CARD8: variants seen among roughly 807,000 people sequenced by gnomAD.
CARD8 encodes caspase recruitment domain family member 8, also known as caspase recruitment domain-containing protein 8.
CARD8 carries 38 observed loss-of-function variants against 53.2 expected under a neutral mutation model. That is an observed-to-expected ratio of 0.71 (90% CI 0.55 to 0.94). The LOEUF (loss-of-function observed/expected upper bound fraction) is 0.94, where lower values mean the gene tolerates loss of function less well. CARD8 is among the 40% of genes least tolerant of loss of function. The pLI is 0.00. For missense variants in CARD8, 561 were observed against 655.5 expected (o/e 0.86, Z 1.57); for synonymous variants, 245 against 244.9 (o/e 1.00, Z 0.00).
chr19:48,233,438 G>A (rs542486388), intron 6 of CARD8: 1 of 456,118 alleles, frequency 2.2e-6, no homozygotes, highest in Admixed American at 2.4e-5. Context: ...AGGCTTTACA[G>A]CGCTTTTCTC....
chr19:48,253,891 T>C (rs1234378526), intron 1 of CARD8, among the ~76,000 whole-genome samples: 2 of 152,134 alleles, frequency 1.3e-5, no homozygotes, highest in South Asian at 2.1e-4. Flanking sequence ...AGTAAAGATA[T>C]AAAAAATTGA....
intron 5 of CARD8, 41 bp from the exon 6 acceptor site, chr19:48,234,584 A>AG (rs1265896253): frequency 6.3e-7 from 1 of 1,583,068 alleles, no homozygotes; most frequent in Non-Finnish European, 8.6e-7. Context: ...AATATAAGGT[A>AG]GGTGCCTGAT....
intron 13 of CARD8, among the ~76,000 whole-genome samples, chr19:48,214,580 C>T (rs1248577770): frequency 6.6e-6 from 1 of 151,996 alleles, no homozygotes; most frequent in Non-Finnish European, 1.5e-5. Flanking sequence ...CAAGCCCCTG[C>T]GGGCCACTAT....
At chr19:48,216,939 G>A (rs2039427209) in intron 12 of CARD8, among the ~76,000 whole-genome samples, 1 of 152,068 alleles carries the variant, frequency 6.6e-6, no homozygotes, top group African/African-American at 2.4e-5. Flanking sequence ...GAATCAGTGG[G>A]AGCCCTGAGC....
intron 3 of CARD8, among the ~76,000 whole-genome samples, chr19:48,245,448 G>A (rs2045949601): frequency 1.3e-5 from 2 of 152,008 alleles, no homozygotes; most frequent in African/African-American, 2.4e-5. Flanking sequence ...TCTGACCTCA[G>A]GTGATCCGCC....
downstream of CARD8, among the ~76,000 whole-genome samples, chr19:48,207,534 TCTA>T (rs2037404158): frequency 2.0e-5 from 3 of 152,082 alleles, no homozygotes; most frequent in African/African-American, 4.8e-5. Context: ...CGTATGAAAT[TCTA>T]CTTTTGTTCA....
At position 48,211,751 on chromosome 19, in the gene CARD8, C is replaced by T. The variant is rs756786481; in HGVS notation, c.1573G>A (p.Asp525Asn). Residue 525 changes from aspartate to asparagine, a missense_variant, in exon 14 of 14, where the codon GAC (aspartate) becomes AAC (asparagine). Physicochemically the swap from Asp to Asn is conservative, Grantham distance 23. Transcript: ENST00000651546. Reference sequence around the variant, plus strand: ...CTAAGATAGGACACGAGGTAAGGGTCCCTTTCACTAATGCTTCTGAAGAGC... The same window carrying T: ...CTAAGATAGGACACGAGGTAAGGGTTCCTTTCACTAATGCTTCTGAAGAGC... Reference protein sequence around the residue: ...DVLFRSISERDPYLVSYLRQQ... With the variant: ...DVLFRSISERNPYLVSYLRQQ... 2.5e-6 allele frequency: 4 copies of T among 1,614,048 alleles called. No homozygotes were observed. The African/African-American group carries it at 5.3e-5, about 22-fold the overall frequency.
chr19:48,253,732 A>T (rs1488083365), intron 1 of CARD8, among the ~76,000 whole-genome samples: 1 of 152,238 alleles, frequency 6.6e-6, no homozygotes, highest in African/African-American at 2.4e-5. Context: ...AATAAGAATA[A>T]CAATTTTAAT....
In CARD8 at chr19:48,210,748, G is replaced by A. The variant is rs1242599170; in HGVS notation, c.*962C>T. 6.6e-6 allele frequency: 1 copy of A among 152,056 alleles called. No homozygotes were observed. Among genetic ancestry groups the A allele is most frequent in the Non-Finnish European group, 1.5e-5 (1 of 68,006 alleles). The allele number at this position is 152,056 out of a possible 1,614,324, so 9.4% of individuals were successfully genotyped here. On this transcript the variant is annotated 3_prime_UTR_variant, in exon 14 of 14. Transcript: ENST00000651546. ...CCAGTTAAAAGAGACTATCAGAATG[G>A]GTTCAAAATACACCATAAAAAAAAC...
At chr19:48,221,934 G>T (rs926139745) in intron 10 of CARD8, 79 bp from the exon 11 acceptor site, 6 of 1,178,700 alleles carry the variant, frequency 5.1e-6, no homozygotes, top group Non-Finnish European at 5.9e-6. Context: ...TATTTATATG[G>T]TATATTAAGT....
At chr19:48,249,461 T>G (rs995514258) in intron 3 of CARD8, 62 bp downstream of exon 3, 24 of 152,410 alleles carry the variant, frequency 1.6e-4, no homozygotes, top group African/African-American at 4.3e-4. Flanking sequence ...TTATTGTAAA[T>G]AATGGGCAAG....
At chr19:48,232,014 C>T (rs2042995968) in intron 7 of CARD8, 2 of 664,102 alleles carry the variant, frequency 3.0e-6, no homozygotes, top group East Asian at 2.9e-5. Flanking sequence ...TAAACGTATA[C>T]ACCAAATTCC....
intron 10 of CARD8, among the ~76,000 whole-genome samples, chr19:48,229,824 G>A (rs2042499560): frequency 6.6e-6 from 1 of 152,132 alleles, no homozygotes; most frequent in Non-Finnish European, 1.5e-5. Context: ...TTTAAAATTT[G>A]GTGAGAGGCC....
intron 13 of CARD8, 78 bp from the exon 14 acceptor site, chr19:48,212,053 A>G: frequency 1.4e-6 from 2 of 1,383,042 alleles, no homozygotes; most frequent in Non-Finnish European, 2.0e-6. Flanking sequence ...CTTAGAGTCA[A>G]AATTCAGGGG....
At chr19:48,204,800 T>C (rs750075993), downstream of CARD8, among the ~76,000 whole-genome samples, 1 of 152,176 alleles carries the variant, frequency 6.6e-6, no homozygotes, top group Non-Finnish European at 1.5e-5. Flanking sequence ...TTAATTCTGT[T>C]GTTATTTATA....
chr19:48,217,346 A>T (rs1328698615), intron 12 of CARD8, among the ~76,000 whole-genome samples: 1 of 152,190 alleles, frequency 6.6e-6, no homozygotes, highest in Non-Finnish European at 1.5e-5. Flanking sequence ...GGCAAAACTC[A>T]GTTGAAATTG....
rs749382283 is a variant in CARD8 at position 48,211,700 on chromosome 19, C to T, written c.*10G>A. ...GGATTCTCTCTTCCAGACTACCTAA[C>T]TGACTCATTTTACAAATTCTGCTGT... On this transcript the variant is annotated 3_prime_UTR_variant, in exon 14 of 14. Transcript: ENST00000651546. The T allele has an allele frequency of 2.0e-5, 33 of 1,612,384 alleles. No homozygotes were observed. In the East Asian group the frequency reaches 7.4e-4, roughly 36 times the overall value.
intron 10 of CARD8, among the ~76,000 whole-genome samples, chr19:48,228,999 C>T (rs1178305406): frequency 1.3e-5 from 2 of 152,036 alleles, no homozygotes; most frequent in Non-Finnish European, 2.9e-5. Flanking sequence ...ATTACCAGGA[C>T]GTGGTGGCAC....
chr19:48,245,278 C>T (rs192559594), intron 3 of CARD8, among the ~76,000 whole-genome samples: 3 of 152,224 alleles, frequency 2.0e-5, no homozygotes, highest in South Asian at 2.1e-4. Context: ...GGCACAATCT[C>T]GGCTCACTGC....
Sources: allele counts gnomAD v4.1 joint callset (sites outside exome capture counted in the v4.1 genomes callset), GRCh38; gene constraint gnomAD v4.1.1; transcripts MANE v1.5; gene names NCBI Gene and HGNC (gene_info 2026-07-23, HGNC 2026-07-21).